Variants in GDF1 observed in about 807,000 individuals in gnomAD.
The protein encoded by GDF1 is embryonic growth/differentiation factor 1.
In GDF1, 8 loss-of-function variants were observed where a neutral mutation model predicts 7.4. That is an observed-to-expected ratio of 1.09 (90% CI 0.64 to 1.96). The LOEUF is 1.96. GDF1 is among the 30% of genes most tolerant of loss of function. The probability of loss-of-function intolerance (pLI) is 0.00; values close to 1 mark genes in which losing one functional copy is unlikely to be tolerated. For synonymous variants in GDF1, 311 were observed against 276.7 expected (o/e 1.12, Z -1.23); for missense variants, 574 against 551.5 (o/e 1.04, Z -0.41).
rs1398457084 is a variant in GDF1 at position 18,878,879 on chromosome 19, A to G, written c.-313+51T>C. 1.3e-6 allele frequency: 2 copies of G among 1,598,180 alleles called. No individual in the cohort carries two copies. The highest frequency in any genetic ancestry group is 4.5e-5 in the East Asian group (2 of 44,274). ...GGGGCCTGCCCACGAACACGCTTGGACGGGTGACACTAAAGGAGGGAACGC... is the reference window on the plus strand; with the variant it reads ...GGGGCCTGCCCACGAACACGCTTGGGCGGGTGACACTAAAGGAGGGAACGC... On this transcript the variant is annotated intron_variant, in intron 6 of 7. Transcript: ENST00000247005. This position sits in a 1 kb window ranked among gnomAD's most constrained non-coding sequence, Gnocchi z 4.6.
chr19:18,876,587 A>G (rs2146002792), intron 6 of GDF1, among the ~76,000 whole-genome samples: 1 of 146,808 alleles, frequency 6.8e-6, no homozygotes, highest in African/African-American at 2.5e-5. Context: ...ATATCCCTAT[A>G]TTGCCCAGGC....
intron 5 of GDF1, 79 bp downstream of exon 5, chr19:18,879,162 C>T (rs1278714073): frequency 6.3e-7 from 1 of 1,599,348 alleles, no homozygotes; most frequent in East Asian, 2.2e-5. Flanking sequence ...GTGCCCCTCC[C>T]CGGGACTGCC....
rs2056103481 is a variant in GDF1 at position 18,878,340 on chromosome 19, G to A, written c.-313+590C>T. The A allele has an allele frequency of 8.1e-6, 8 of 986,016 alleles. No individual in the cohort carries two copies. The highest frequency in any genetic ancestry group is 9.6e-6 in the Non-Finnish European group (8 of 830,498). 61.1% of individuals were successfully genotyped at this position (986,016 alleles called of 1,614,324 possible). A position where few individuals can be genotyped will look rare whatever the true frequency, so the allele number is the denominator to read the frequency against. ...CTGGGGCTTCGGACACCATCTGGCT[G>A]TCACCCAGGGCTGGTGAGGCTCGTG... On this transcript the variant is annotated intron_variant, in intron 6 of 7. Coordinates refer to ENST00000247005, the MANE Select transcript of GDF1 (RefSeq NM_001492.6). This position sits in a 1 kb window ranked among gnomAD's most constrained non-coding sequence, Gnocchi z 4.6.
Position 18,884,093 on chromosome 19 carries a change from G to T in GDF1, c.-739C>A. The T allele has an allele frequency of 6.2e-7, 1 of 1,612,944 alleles. No homozygotes were observed. ...CACCCGATCCTGTCCTTACCGGAAGGCGTAGGAGGAGACGATGAGGATGAG... is the reference window on the plus strand; with the variant it reads ...CACCCGATCCTGTCCTTACCGGAAGTCGTAGGAGGAGACGATGAGGATGAG... On this transcript the variant is annotated 5_prime_UTR_variant, in exon 3 of 8. Transcript: ENST00000247005.
chr19:18,888,889 C>CTTTTTTTTTT (rs756124590), intron 2 of GDF1, among the ~76,000 whole-genome samples: 2 of 122,924 alleles, frequency 1.6e-5, no homozygotes, highest in African/African-American at 3.1e-5. Flanking sequence ...TTCTTTCTTT[C>CTTTTTTTTTT]TTTTTTTTTT....
chr19:18,875,246 A>G (rs1296698308), intron 6 of GDF1, among the ~76,000 whole-genome samples: 15 of 151,488 alleles, frequency 9.9e-5, no homozygotes, highest in East Asian at 3.9e-4. Flanking sequence ...AAAAAAAAAA[A>G]AAAGAAAGAA....
chr19:18,882,576 G>A (rs1187764976), intron 3 of GDF1, among the ~76,000 whole-genome samples: 1 of 151,892 alleles, frequency 6.6e-6, no homozygotes, highest in African/African-American at 2.4e-5. Flanking sequence ...GCCGGAGGTT[G>A]CAGTAAGCCA....
intron 2 of GDF1, 42 bp from the exon 3 acceptor site, chr19:18,884,309 T>C: frequency 6.4e-7 from 1 of 1,554,936 alleles, no homozygotes; most frequent in South Asian, 1.2e-5. Flanking sequence ...CTGCGAAGCC[T>C]CTAGACGATC....
At chr19:18,876,292 G>A (rs1414012065) in intron 6 of GDF1, among the ~76,000 whole-genome samples, 1 of 148,988 alleles carries the variant, frequency 6.7e-6, no homozygotes, top group Non-Finnish European at 1.5e-5. Context: ...GGTCTTCAAT[G>A]CCATTTTTGA....
intron 6 of GDF1, among the ~76,000 whole-genome samples, chr19:18,876,763 C>A (rs1433994656): frequency 1.3e-5 from 2 of 152,174 alleles, no homozygotes; most frequent in Non-Finnish European, 2.9e-5. Context: ...TCACCTCCAT[C>A]CAGCTCCCCT....
chr19:18,894,498 C>A (rs981287605), intron 1 of GDF1, among the ~76,000 whole-genome samples: 7 of 152,108 alleles, frequency 4.6e-5, no homozygotes, highest in Non-Finnish European at 8.8e-5. Context: ...GGGGCGAGCA[C>A]CCCACCCAAG....
chr19:18,878,317 G>T lies in GDF1; in HGVS notation c.-313+613C>A. 7 of 985,828 alleles carry T rather than the reference G, an allele frequency of 7.1e-6. No homozygotes were observed. Among genetic ancestry groups the T allele is most frequent in the Non-Finnish European group, 7.2e-6 (6 of 830,444 alleles). The allele number at this position is 985,828 out of a possible 1,614,324, so 61.1% of individuals were successfully genotyped here. On this transcript the variant is annotated intron_variant, in intron 6 of 7. Coordinates refer to ENST00000247005, the MANE Select transcript of GDF1 (RefSeq NM_001492.6). This position sits in a 1 kb window ranked among gnomAD's most constrained non-coding sequence, Gnocchi z 4.6. ...GACACCCCCTGCCTGCCCCAGGCCT[G>T]GGGCTTCGGACACCATCTGGCTGTC...
chr19:18,895,688 C>T lies in GDF1; in HGVS notation c.-1074+136G>A, dbSNP rs1205954719. 1.1e-5 allele frequency: 4 copies of T among 370,986 alleles called. No individual in the cohort carries two copies. The highest frequency in any genetic ancestry group is 1.7e-5 in the Non-Finnish European group (4 of 235,330). The allele number at this position is 370,986 out of a possible 1,614,324, so 23.0% of individuals were successfully genotyped here. A position where few individuals can be genotyped will look rare whatever the true frequency, so the allele number is the denominator to read the frequency against. On this transcript the variant is annotated intron_variant, in intron 1 of 7. Coordinates refer to ENST00000247005, the MANE Select transcript of GDF1 (RefSeq NM_001492.6). The surrounding 1 kb of genome is among the most constrained non-coding windows in gnomAD (Gnocchi z 6.4). ...TCCTGGGCCTCTCCAGCCCGAGGCC[C>T]CCACCCACGTTCCGGCGACCCCTTC... is the stretch of plus-strand genomic sequence containing the variant.
chr19:18,878,958 C>T lies in GDF1; in HGVS notation c.-341G>A. ...GCTTTGCTGGGCTTCAGGCTCTGGG[C>T]CTCGGCTGTGTCATACTCCCGCAGG... On this transcript the variant is annotated 5_prime_UTR_variant, in exon 6 of 8. Coordinates refer to ENST00000247005, the MANE Select transcript of GDF1 (RefSeq NM_001492.6). The surrounding 1 kb of genome is among the most constrained non-coding windows in gnomAD (Gnocchi z 4.6). 6.2e-7 allele frequency: 1 copy of T among 1,613,804 alleles called. No individual in the cohort carries two copies. The highest frequency in any genetic ancestry group is 8.5e-7 in the Non-Finnish European group (1 of 1,179,856).
chr19:18,870,345 C>T lies in GDF1; in HGVS notation c.-38G>A, dbSNP rs2055945857. 1.9e-6 allele frequency: 3 copies of T among 1,541,238 alleles called. No individual in the cohort carries two copies. Among genetic ancestry groups the T allele is most frequent in the African/African-American group, 2.8e-5 (2 of 72,406 alleles). ...CGATGACCAGAGAGTGCGCAGGGTC[C>T]GCGGCGGCCCGGGACCAGTGGGCTG... On this transcript the variant is annotated 5_prime_UTR_variant, in exon 7 of 8. Coordinates refer to ENST00000247005, the MANE Select transcript of GDF1 (RefSeq NM_001492.6). This position sits in a 1 kb window ranked among gnomAD's most constrained non-coding sequence, Gnocchi z 5.1.
chr19:18,895,445 C>G lies in GDF1; in HGVS notation c.-1074+379G>C, dbSNP rs951421152. Among the ~76,000 whole-genome samples the G allele has an allele frequency of 1.3e-5, 2 of 152,086 alleles. No homozygotes were observed. The highest frequency in any genetic ancestry group is 4.8e-5 in the African/African-American group (2 of 41,426). On this transcript the variant is annotated intron_variant, in intron 1 of 7. Coordinates refer to ENST00000247005, the MANE Select transcript of GDF1 (RefSeq NM_001492.6). The surrounding 1 kb of genome is among the most constrained non-coding windows in gnomAD (Gnocchi z 6.4). ...CCTGCCGGAAAGAGCGCGCGGTGGC[C>G]GGAGCCATCCACCGCGCGGGGCCCC... is the stretch of plus-strand genomic sequence containing the variant.
chr19:18,882,793 T>C (rs900330813), intron 3 of GDF1, among the ~76,000 whole-genome samples: 3 of 151,862 alleles, frequency 2.0e-5, no homozygotes, highest in Non-Finnish European at 2.9e-5. Context: ...CCCGGGTTCA[T>C]GCCATTCTCC....
intron 2 of GDF1, among the ~76,000 whole-genome samples, chr19:18,890,855 G>A (rs890205733): frequency 6.6e-6 from 1 of 151,784 alleles, no homozygotes; most frequent in Non-Finnish European, 1.5e-5. Flanking sequence ...TGGGCGTGGT[G>A]GCTCATGCCT....
intron 2 of GDF1, among the ~76,000 whole-genome samples, chr19:18,886,346 A>G (rs924928279): frequency 1.4e-4 from 22 of 152,110 alleles, no homozygotes; most frequent in Admixed American, 6.6e-4. Context: ...TCAGGAGATC[A>G]AGACCATCCT....
Sources: gnomAD v4.1 joint callset for allele counts (sites outside exome capture counted in the v4.1 genomes callset) on GRCh38, gnomAD v4.1.1 for gene constraint, Gnocchi (gnomAD v3.1) non-coding constraint, MANE v1.5 for transcripts, NCBI Gene and HGNC (gene_info 2026-07-23, HGNC 2026-07-21) for gene names.